The following TAB3 variants were observed in gnomAD, a reference collection of about 807,000 sequenced individuals.
TAB3 encodes the protein TGF-beta activated kinase 1 (MAP3K7) binding protein 3, also known as TGF-beta-activated kinase 1 and MAP3K7-binding protein 3.
In TAB3, 18 loss-of-function variants were observed where a neutral mutation model predicts 48.1. That is an observed-to-expected ratio of 0.37 (90% CI 0.26 to 0.55). The LOEUF (loss-of-function observed/expected upper bound fraction) is 0.55. Among genes scored for constraint, TAB3 ranks in the 20% least tolerant of loss-of-function variants. The pLI, the probability that TAB3 is intolerant of heterozygous loss-of-function variation, is 0.78. For missense variants in TAB3, 414 were observed against 549.8 expected (o/e 0.75, Z 2.47); for synonymous variants, 185 against 190.2 (o/e 0.97, Z 0.22).
intron 8 of TAB3, chrX:30,845,490 GTC>G (rs1938595530): frequency 8.9e-6 from 1 of 111,996 alleles, no homozygotes; most frequent in African/African-American, 3.2e-5. Context: ...CTGTGATAGA[GTC>G]TCTGTTGCAA....
intron 9 of TAB3, among the ~76,000 whole-genome samples, chrX:30,839,904 C>T (rs1476263033): frequency 1.9e-5 from 1 of 51,869 alleles, no homozygotes; most frequent in Non-Finnish European, 3.3e-5. Flanking sequence ...TTTCTTTATA[C>T]ATATATATAT....
chrX:30,885,254 T>C (rs1940099202), intron 1 of TAB3, among the ~76,000 whole-genome samples: 1 of 112,228 alleles, frequency 8.9e-6, no homozygotes. Context: ...ACTCAGACTT[T>C]GCCTTTCCAG....
chrX:30,888,984 G>A (rs1475819451), intron 1 of TAB3, 130 bp downstream of exon 1: 1 of 113,358 alleles, frequency 8.8e-6, no homozygotes, highest in Non-Finnish European at 1.9e-5. Flanking sequence ...TCCCGGGCCG[G>A]GGTGAGTCCC....
Position 30,841,619 on chromosome X carries a change from A to C in TAB3, c.1888+1347T>G, listed in dbSNP as rs77823519. 4.2e-4 allele frequency among the ~76,000 whole-genome samples: 47 copies of C among 111,506 alleles called. No individual in the cohort carries two copies. The East Asian group carries it at 0.012, about 28-fold the overall frequency. On this transcript the variant is annotated intron_variant, in intron 9 of 10. Transcript: ENST00000288422. Reference sequence around the variant, plus strand: ...AGGTCAGGTAGTATTATTTAGATAGAATTTATACATTCTTTTAATTAAGTC... The same window carrying C: ...AGGTCAGGTAGTATTATTTAGATAGCATTTATACATTCTTTTAATTAAGTC...
intron 10 of TAB3, among the ~76,000 whole-genome samples, chrX:30,833,516 A>ATTTATATAAT (rs1225414194): frequency 9.0e-6 from 1 of 111,298 alleles, no homozygotes; most frequent in Admixed American, 9.5e-5. Flanking sequence ...AATATTTTGT[A>ATTTATATAAT]TATACTGAAT....
At chrX:30,881,649 G>T (rs1053247945) in intron 1 of TAB3, among the ~76,000 whole-genome samples, 2 of 111,386 alleles carry the variant, frequency 1.8e-5, no homozygotes, top group African/African-American at 6.5e-5. Context: ...ACTTGATCTT[G>T]TAGGTTTTTG....
At chrX:30,888,813 G>A (rs11095191) in intron 1 of TAB3, among the ~76,000 whole-genome samples, 30,603 of 111,628 alleles carry the variant, frequency 0.27, 3,132 homozygotes, top group Admixed American at 0.4. Context: ...GCGAGGAAGG[G>A]CATCGTCCCC....
chrX:30,851,686 T>C (rs1938857941), intron 7 of TAB3, among the ~76,000 whole-genome samples: 1 of 112,153 alleles, frequency 8.9e-6, no homozygotes, highest in Non-Finnish European at 1.9e-5. Flanking sequence ...GCAGACATGC[T>C]GACTGCAAGA....
chrX:30,862,429 G>A (rs1795667618), intron 4 of TAB3, among the ~76,000 whole-genome samples: 1 of 111,455 alleles, frequency 9.0e-6, no homozygotes. Context: ...TAAAATACAA[G>A]GGCAATACCA....
intron 4 of TAB3, among the ~76,000 whole-genome samples, chrX:30,860,633 G>C (rs1160176739): frequency 9.0e-6 from 1 of 111,469 alleles, no homozygotes; most frequent in Non-Finnish European, 1.9e-5. Context: ...GAAGGGGAAA[G>C]GAAATGTCAT....
At position 30,868,498 on chromosome X, in the gene TAB3, TTA is replaced by T. The variant is rs757399989; in HGVS notation, c.-279-951_-279-950del. On this transcript the variant is annotated intron_variant, in intron 2 of 10. Transcript: ENST00000288422. ...TATATAGCTTATATATATATATAGC[TTA>T]TATATATATATATAGCTTATATATA... Among the ~76,000 whole-genome samples, 35 of 7,708 alleles carry T rather than the reference TTA, an allele frequency of 4.5e-3. 4 individuals are homozygous for T. Among genetic ancestry groups the T allele is most frequent in the South Asian group, 0.015 (5 of 330 alleles). 6.7% of individuals were successfully genotyped at this position (7,708 alleles called of 115,157 possible).
In TAB3 at chrX:30,852,811, G is replaced by C; in HGVS notation, c.1677C>G (p.Leu559=). 1.7e-6 allele frequency: 2 copies of C among 1,211,079 alleles called. No homozygotes were observed. The highest frequency in any genetic ancestry group is 2.2e-6 in the Non-Finnish European group (2 of 895,266). The change falls in exon 7 of 11, where the codon CTC becomes CTG. Residue 559 remains leucine (L), a synonymous_variant. Transcript: ENST00000288422. ...GMEHDLMQRR[L]RRVSCTTAIP... ...TCGCAGTGGTGCAGCTGACTCTTCTGAGCCGTCTCTGCATCAGGTCATGCT... is the reference window on the plus strand; with the variant it reads ...TCGCAGTGGTGCAGCTGACTCTTCTCAGCCGTCTCTGCATCAGGTCATGCT...
At position 30,853,398 on chromosome X, in the gene TAB3, C is replaced by A. The variant is rs187802663; in HGVS notation, c.1550-460G>T. Among the ~76,000 whole-genome samples, 392 of 112,329 alleles carry A rather than the reference C, an allele frequency of 3.5e-3. 1 individual carries two copies. Among genetic ancestry groups the A allele is most frequent in the Middle Eastern group, 0.028 (6 of 214 alleles). ...ATATATTATTACTTTTTAGCTAATCCAATAATTCCACTTCTTATATATTAT... is the reference window on the plus strand; with the variant it reads ...ATATATTATTACTTTTTAGCTAATCAAATAATTCCACTTCTTATATATTAT... On this transcript the variant is annotated intron_variant, in intron 6 of 10. Transcript: ENST00000288422.
chrX:30,874,396 T>A (rs1939761821), intron 1 of TAB3, among the ~76,000 whole-genome samples: 1 of 112,326 alleles, frequency 8.9e-6, no homozygotes, highest in South Asian at 3.7e-4. Context: ...GTCTTGGCTA[T>A]GCCTTAATTC....
rs1259963970 is a variant in TAB3 at position 30,855,622 on chromosome X, G to A, written c.103-60C>T. The stretch of plus-strand genomic sequence containing the variant: ...ACATTAACAAATTCTAATAGTGGAA[G>A]TCAGGCTTTGCCAGAGAGTTATGCA... On this transcript the variant is annotated intron_variant, in intron 5 of 10. Coordinates refer to ENST00000288422, the MANE Select transcript of TAB3 (RefSeq NM_152787.5). 8 of 1,054,700 alleles carry A rather than the reference G, an allele frequency of 7.6e-6. No homozygotes were observed. The African/African-American group carries it at 1.1e-4, about 15-fold the overall frequency. 86.9% of individuals were successfully genotyped at this position (1,054,700 alleles called of 1,213,427 possible). A position where few individuals can be genotyped will look rare whatever the true frequency, so the allele number is the denominator to read the frequency against.
rs182016738 is a variant in TAB3 at position 30,847,610 on chromosome X, A to G, written c.1711-966T>C. 1.8e-4 allele frequency among the ~76,000 whole-genome samples: 20 copies of G among 110,557 alleles called. No homozygotes were observed. In the Middle Eastern group the frequency reaches 0.014, roughly 77 times the overall value. On this transcript the variant is annotated intron_variant, in intron 7 of 10. Coordinates refer to ENST00000288422, the MANE Select transcript of TAB3 (RefSeq NM_152787.5). ...GGCCCAGGTATTAAATACTAGGGTG[A>G]TTTTAACTATAACATATAAAGTGAA... is the stretch of plus-strand genomic sequence containing the variant.
At chrX:30,884,027 A>T in intron 1 of TAB3, among the ~76,000 whole-genome samples, 1 of 111,659 alleles carries the variant, frequency 9.0e-6, no homozygotes, top group Non-Finnish European at 1.9e-5. Flanking sequence ...TACCTAACAA[A>T]AGGAATGGTG....
At chrX:30,877,504 G>A (rs966611204) in intron 1 of TAB3, among the ~76,000 whole-genome samples, 1 of 112,046 alleles carries the variant, frequency 8.9e-6, no homozygotes, top group South Asian at 3.7e-4. Context: ...TATGTCACAA[G>A]GTAGGTAAAT....
chrX:30,888,768 C>A (rs1054780455), intron 1 of TAB3, among the ~76,000 whole-genome samples: 2 of 112,832 alleles, frequency 1.8e-5, no homozygotes, highest in African/African-American at 6.4e-5. Flanking sequence ...AAAGCCGGTC[C>A]ACAGAGGCTC....
Sources: allele counts gnomAD v4.1 joint callset (sites outside exome capture counted in the v4.1 genomes callset), GRCh38; gene constraint gnomAD v4.1.1; transcripts MANE v1.5; gene names NCBI Gene and HGNC (gene_info 2026-07-23, HGNC 2026-07-21).